KLK11: variants seen among roughly 807,000 people sequenced by gnomAD.
The protein encoded by KLK11 is kallikrein-11.
Under a neutral mutation model 23.4 loss-of-function variants are expected in KLK11, and 10 were observed. That is an observed-to-expected ratio of 0.43 (90% CI 0.26 to 0.73). The LOEUF (loss-of-function observed/expected upper bound fraction) is 0.73. KLK11 is among the 30% of genes least tolerant of loss of function. KLK11 has a pLI of 0.22. For synonymous variants in KLK11, 131 were observed against 131.7 expected (o/e 0.99, Z 0.03); for missense variants, 285 against 327.8 (o/e 0.87, Z 1.01).
In KLK11 at chr19:51,024,608, C is replaced by T. The variant is rs113277422; in HGVS notation, c.197+30G>A. The stretch of plus-strand genomic sequence containing the variant: ...CCATCTCCCCATTCCCAGCCCCCCA[C>T]CCCGGCACCGCCCCAGCCCCCGCAC... On this transcript the variant is annotated intron_variant, in intron 3 of 5. Coordinates refer to ENST00000453757, the MANE Select transcript of KLK11 (RefSeq NM_001136032.3). This position sits in a 1 kb window ranked among gnomAD's most constrained non-coding sequence, Gnocchi z 6.2. 36 of 1,468,844 alleles carry T rather than the reference C, an allele frequency of 2.5e-5. 1 individual carries two copies. The African/African-American group carries it at 3.3e-4, about 13-fold the overall frequency. 91.0% of individuals were successfully genotyped at this position (1,468,844 alleles called of 1,614,324 possible). A position where few individuals can be genotyped will look rare whatever the true frequency, so the allele number is the denominator to read the frequency against.
intron 4 of KLK11, chr19:51,023,765 C>T: frequency 5.5e-6 from 2 of 363,388 alleles, no homozygotes; most frequent in South Asian, 9.5e-5. Context: ...TATAATCATT[C>T]TCATTTTATA....
upstream of KLK11, chr19:51,027,639 T>A: frequency 8.3e-7 from 1 of 1,200,998 alleles, no homozygotes; most frequent in Non-Finnish European, 1.2e-6. Context: ...GGGGAGGGCC[T>A]AGGTTCTGAC....
At chr19:51,027,493 C>T (rs753143187), upstream of KLK11, 5 of 1,614,038 alleles carry the variant, frequency 3.1e-6, no homozygotes, top group South Asian at 1.1e-5. Context: ...GACTTCCAGT[C>T]CCGCAGCCAC....
In KLK11 at chr19:51,025,750, C is replaced by T. The variant is rs948098910; in HGVS notation, c.-35-84G>A. 2.3e-5 allele frequency: 13 copies of T among 566,832 alleles called. No homozygotes were observed. The highest frequency in any genetic ancestry group is 3.8e-5 in the Non-Finnish European group (12 of 317,732). 35.1% of individuals were successfully genotyped at this position (566,832 alleles called of 1,614,324 possible). A position where few individuals can be genotyped will look rare whatever the true frequency, so the allele number is the denominator to read the frequency against. On this transcript the variant is annotated intron_variant, in intron 1 of 5. Transcript: ENST00000453757. This position sits in a 1 kb window ranked among gnomAD's most constrained non-coding sequence, Gnocchi z 6.2. The stretch of plus-strand genomic sequence containing the variant: ...GCTGGCTCATGCCCTCTCCTCTCTC[C>T]CTCACCTGCTCCCGCTCCCCACTTG...
At chr19:51,026,663 G>A (rs1044932855), upstream of KLK11, 71 of 920,974 alleles carry the variant, frequency 7.7e-5, no homozygotes, top group East Asian at 1.2e-4. Context: ...GCAGGGGGGC[G>A]GCCCTGGGCG....
In KLK11 at chr19:51,024,849, G is replaced by A. The variant is rs372189008; in HGVS notation, c.41-55C>T. The A allele has an allele frequency of 6.0e-4, 878 of 1,467,164 alleles. 12 individuals carry two copies. The South Asian group carries it at 0.011, about 19-fold the overall frequency. The allele number at this position is 1,467,164 out of a possible 1,614,324, so 90.9% of individuals were successfully genotyped here. A position where few individuals can be genotyped will look rare whatever the true frequency, so the allele number is the denominator to read the frequency against. Reference sequence around the variant, plus strand: ...TCAGGAAGGAGAGGTGGTAGACCAGGAGGACTCCCAGAAATGGGGGTGGGG... The same window carrying A: ...TCAGGAAGGAGAGGTGGTAGACCAGAAGGACTCCCAGAAATGGGGGTGGGG... On this transcript the variant is annotated intron_variant, in intron 2 of 5. Coordinates refer to ENST00000453757, the MANE Select transcript of KLK11 (RefSeq NM_001136032.3). The surrounding 1 kb of genome is among the most constrained non-coding windows in gnomAD (Gnocchi z 6.2).
chr19:51,024,571 GCTT>G lies in KLK11; in HGVS notation c.197+64_197+66del. On this transcript the variant is annotated intron_variant, in intron 3 of 5. Coordinates refer to ENST00000453757, the MANE Select transcript of KLK11 (RefSeq NM_001136032.3). The surrounding 1 kb of genome is among the most constrained non-coding windows in gnomAD (Gnocchi z 6.2). ...CCCTTACCAGCACCCCTATCCCTGA[GCTT>G]CTCTCCATCCATCTCCCCATTCCCA... The G allele has an allele frequency of 7.0e-7, 1 of 1,421,744 alleles. No homozygotes were observed. The highest frequency in any genetic ancestry group is 9.3e-7 in the Non-Finnish European group (1 of 1,077,368). 88.1% of individuals were successfully genotyped at this position (1,421,744 alleles called of 1,614,324 possible). A position where few individuals can be genotyped will look rare whatever the true frequency, so the allele number is the denominator to read the frequency against.
Position 51,025,145 on chromosome 19 carries a change from G to T in KLK11, c.41-351C>A, listed in dbSNP as rs1201698294. ...GCCTGGCTTGGTGGCAGGTGCCTGT[G>T]GTCCCAGCTACCGGGGAAGCTGAGA... On this transcript the variant is annotated intron_variant, in intron 2 of 5. Transcript: ENST00000453757. This position sits in a 1 kb window ranked among gnomAD's most constrained non-coding sequence, Gnocchi z 6.2. 1.3e-5 allele frequency among the ~76,000 whole-genome samples: 2 copies of T among 151,974 alleles called. No homozygotes were observed. The highest frequency in any genetic ancestry group is 4.8e-5 in the African/African-American group (2 of 41,360).
Position 51,022,658 on chromosome 19 carries a change from G to A in KLK11, c.640C>T (p.Gln214Ter). 1 of 1,613,430 alleles carries A rather than the reference G, an allele frequency of 6.2e-7. No homozygotes were observed. Among genetic ancestry groups the A allele is most frequent in the Non-Finnish European group, 8.5e-7 (1 of 1,180,026 alleles). ...TCCTGGCCCCAGGAGATAATGCCTTGAAGAGACTGGTTACAGACCAGAGGG... is the reference window on the plus strand; with the variant it reads ...TCCTGGCCCCAGGAGATAATGCCTTAAAGAGACTGGTTACAGACCAGAGGG... Reference protein sequence around the residue: ...GGPLVCNQSLQGIISWGQDPC... With the variant: ...GGPLVCNQSL The change falls in exon 6 of 6, where the codon CAA becomes TAA. Residue 214 changes from glutamine (Q) to a stop codon, truncating the protein, a stop_gained. Transcript: ENST00000453757. LOFTEE classifies it low-confidence loss of function (END_TRUNC).
In KLK11 at chr19:51,024,443, C is replaced by T. The variant is rs1197923375; in HGVS notation, c.198-133G>A. ...TCTTCCACGTCTCCCACCGAAGCCC[C>T]CTTCCCAGCCATAGCCCCATCCCAA... On this transcript the variant is annotated intron_variant, in intron 3 of 5. Transcript: ENST00000453757. This position sits in a 1 kb window ranked among gnomAD's most constrained non-coding sequence, Gnocchi z 6.2. The T allele has an allele frequency of 1.4e-6, 2 of 1,429,366 alleles. No homozygotes were observed. Among genetic ancestry groups the T allele is most frequent in the South Asian group, 1.4e-5 (1 of 73,796 alleles). The allele number at this position is 1,429,366 out of a possible 1,614,324, so 88.5% of individuals were successfully genotyped here. A position where few individuals can be genotyped will look rare whatever the true frequency, so the allele number is the denominator to read the frequency against.
chr19:51,023,947 G>T, intron 4 of KLK11, 98 bp downstream of exon 4: 1 of 1,045,002 alleles, frequency 9.6e-7, no homozygotes, highest in Non-Finnish European at 1.3e-6. Context: ...ATCCCACATC[G>T]TCACTGTGAA....
chr19:51,022,710 A>G lies in KLK11; in HGVS notation c.601-13T>C. 6.2e-7 allele frequency: 1 copy of G among 1,612,536 alleles called. No homozygotes were observed. Among genetic ancestry groups the G allele is most frequent in the Non-Finnish European group, 8.5e-7 (1 of 1,179,968 alleles). On this transcript the variant is annotated splice_polypyrimidine_tract_variant and intron_variant, in intron 5 of 5. Transcript: ENST00000453757. Reference sequence around the variant, plus strand: ...CCCCGGAGTCACCCTGGGCACGGGGAGAGAGAATGTCGGTCAGAGAAAGCG... The same window carrying G: ...CCCCGGAGTCACCCTGGGCACGGGGGGAGAGAATGTCGGTCAGAGAAAGCG...
Position 51,023,155 on chromosome 19 carries a change from G to C in KLK11, c.537C>G (p.Pro179=). 1 of 1,613,496 alleles carries C rather than the reference G, an allele frequency of 6.2e-7. No individual in the cohort carries two copies. The highest frequency in any genetic ancestry group is 8.5e-7 in the Non-Finnish European group (1 of 1,179,814). The change falls in exon 5 of 6, where the codon CCC becomes CCG. Residue 179 remains proline, a synonymous_variant. Transcript: ENST00000453757. ...ACACCATGGTGTCTGTGATGTTGCC[G>C]GGGTAGGCGTTCTCACACTTCTGGT... ...IEHQKCENAY[P]GNITDTMVCA... is the part of the protein sequence containing the mutation.
chr19:51,026,700 C>T, upstream of KLK11: 1 of 680,734 alleles, frequency 1.5e-6, no homozygotes, highest in Non-Finnish European at 1.8e-6. Flanking sequence ...CCTCCAAGCC[C>T]TGCCTTAATG....
In KLK11 at chr19:51,025,679, A is replaced by G; in HGVS notation, c.-35-13T>C. 1 of 1,465,576 alleles carries G rather than the reference A, an allele frequency of 6.8e-7. No individual in the cohort carries two copies. Among genetic ancestry groups the G allele is most frequent in the Non-Finnish European group, 9.3e-7 (1 of 1,078,756 alleles). 90.8% of individuals were successfully genotyped at this position (1,465,576 alleles called of 1,614,324 possible). A position where few individuals can be genotyped will look rare whatever the true frequency, so the allele number is the denominator to read the frequency against. On this transcript the variant is annotated splice_polypyrimidine_tract_variant and intron_variant, in intron 1 of 5. Transcript: ENST00000453757. The surrounding 1 kb of genome is among the most constrained non-coding windows in gnomAD (Gnocchi z 6.2). ...GCCCCAGGTTCCTCTGGGAACAAGG[A>G]GGGACATGGGGCCGCATCACTTTAC...
rs1004178637 is a variant in KLK11, at chr19:51,024,614, C to T, written c.197+24G>A. The T allele has an allele frequency of 3.4e-6, 5 of 1,470,240 alleles. No homozygotes were observed. The highest frequency in any genetic ancestry group is 4.5e-6 in the Non-Finnish European group (5 of 1,101,796). 91.1% of individuals were successfully genotyped at this position (1,470,240 alleles called of 1,614,324 possible). A position where few individuals can be genotyped will look rare whatever the true frequency, so the allele number is the denominator to read the frequency against. Reference sequence around the variant, plus strand: ...CCCCATTCCCAGCCCCCCACCCCGGCACCGCCCCAGCCCCCGCACCCACGG... The same window carrying T: ...CCCCATTCCCAGCCCCCCACCCCGGTACCGCCCCAGCCCCCGCACCCACGG... On this transcript the variant is annotated intron_variant, in intron 3 of 5. Transcript: ENST00000453757. This position sits in a 1 kb window ranked among gnomAD's most constrained non-coding sequence, Gnocchi z 6.2.
At position 51,023,522 on chromosome 19, in the gene KLK11, T is replaced by C. The variant is rs1212008424; in HGVS notation, c.464-294A>G. The C allele has an allele frequency of 2.6e-5, 8 of 303,218 alleles. No individual in the cohort carries two copies. In the East Asian group the frequency reaches 6.0e-4, roughly 23 times the overall value. The allele number at this position is 303,218 out of a possible 1,614,324, so 18.8% of individuals were successfully genotyped here. The stretch of plus-strand genomic sequence containing the variant: ...GCCTCAACCTCCCGAGTAGCTGGGA[T>C]TACAGGCGCACACAACCACGCCCAA... On this transcript the variant is annotated intron_variant, in intron 4 of 5. Transcript: ENST00000453757.
rs1443411268 is a variant in KLK11, at chr19:51,025,728, G to C, written c.-35-62C>G. ...ACGGGGAAATCGGGAGGGGGGGGCTGGCTCATGCCCTCTCCTCTCTCCCTC... is the reference window on the plus strand; with the variant it reads ...ACGGGGAAATCGGGAGGGGGGGGCTCGCTCATGCCCTCTCCTCTCTCCCTC... On this transcript the variant is annotated intron_variant, in intron 1 of 5. Transcript: ENST00000453757. The surrounding 1 kb of genome is among the most constrained non-coding windows in gnomAD (Gnocchi z 6.2). 1 of 671,408 alleles carries C rather than the reference G, an allele frequency of 1.5e-6. No homozygotes were observed. Among genetic ancestry groups the C allele is most frequent in the Non-Finnish European group, 2.6e-6 (1 of 389,562 alleles). 41.6% of individuals were successfully genotyped at this position (671,408 alleles called of 1,614,324 possible).
In KLK11 at chr19:51,023,207, C is replaced by T. The variant is rs1205271324; in HGVS notation, c.485G>A (p.Arg162Gln). 6 of 1,613,152 alleles carry T rather than the reference C, an allele frequency of 3.7e-6. No individual in the cohort carries two copies. The highest frequency in any genetic ancestry group is 2.2e-5 in the East Asian group (1 of 44,884). The change falls in exon 5 of 6, where the codon CGA becomes CAA. Residue 162 changes from arginine to glutamine, a missense_variant. By Grantham distance (43) the Arg-to-Gln change is conservative. Transcript: ENST00000453757. ...SPQLRLPHTL[R>Q]CANITIIEHQ... is the part of the protein sequence containing the mutation. ...CTCAATGATGGTGATGTTGGCGCAT[C>T]GCAAGGTGTGAGGCAGGCGTACTGT...
Sources: gnomAD v4.1 joint callset for allele counts (sites outside exome capture counted in the v4.1 genomes callset) on GRCh38, gnomAD v4.1.1 for gene constraint, Gnocchi (gnomAD v3.1) non-coding constraint, MANE v1.5 for transcripts, NCBI Gene and HGNC (gene_info 2026-07-23, HGNC 2026-07-21) for gene names.